The following PRKN variants were observed in gnomAD, a reference collection of about 807,000 sequenced individuals.
PRKN encodes the protein parkin RBR E3 ubiquitin protein ligase.
PRKN carries 56 observed loss-of-function variants against 59.5 expected under a neutral mutation model. That is an observed-to-expected ratio of 0.94 (90% confidence interval 0.76 to 1.18). PRKN has a LOEUF of 1.18. Among genes scored for constraint, PRKN ranks in the 50% most tolerant of loss-of-function variants. The probability of loss-of-function intolerance (pLI) is 0.00; values close to 1 mark genes in which losing one functional copy is unlikely to be tolerated. For synonymous variants in PRKN, 250 were observed against 222.1 expected, an observed-to-expected ratio of 1.13 and a Z score of -1.12; for missense variants, 657 against 596.4, an observed-to-expected ratio of 1.10 and a Z score of -1.06.
Position 161,496,399 on chromosome 6 carries a change from A to G in PRKN, c.1083+52455T>C, listed in dbSNP as rs375149219. ...GGTCTCATGCTGCTAATAAAGACATACTCGACACTGGGTAATTTATAAAGG... is the reference window on the plus strand; with the variant it reads ...GGTCTCATGCTGCTAATAAAGACATGCTCGACACTGGGTAATTTATAAAGG... On this transcript the variant is annotated intron_variant, in intron 9 of 11. Transcript: ENST00000366898. 2.4e-4 allele frequency among the ~76,000 whole-genome samples: 37 copies of G among 152,338 alleles called. No individual in the cohort carries two copies. In the East Asian group the frequency reaches 7.0e-3, roughly 29 times the overall value.
rs149065540 is a variant in PRKN, at chr6:162,723,257, C to T, written c.7+4405G>A. Among the ~76,000 whole-genome samples the T allele has an allele frequency of 5.9e-5, 9 of 152,290 alleles. 1 individual carries two copies. The highest frequency in any genetic ancestry group is 2.1e-4 in the South Asian group (1 of 4,830). Reference sequence around the variant, plus strand: ...ACTGGATCTGCTTTTGCAAAACTAACGCACTATAAGATGAGAATGAGAAGT... The same window carrying T: ...ACTGGATCTGCTTTTGCAAAACTAATGCACTATAAGATGAGAATGAGAAGT... On this transcript the variant is annotated intron_variant, in intron 1 of 11. Coordinates refer to ENST00000366898, the MANE Select transcript of PRKN (RefSeq NM_004562.3).
At chr6:162,149,435 G>A (rs1247892435) in intron 4 of PRKN, among the ~76,000 whole-genome samples, 1 of 152,054 alleles carries the variant, frequency 6.6e-6, no homozygotes, top group Non-Finnish European at 1.5e-5. Flanking sequence ...AGTAGAGACA[G>A]ATTGCACTGT....
At chr6:161,573,593 G>C (rs926695641) in intron 7 of PRKN, among the ~76,000 whole-genome samples, 10 of 148,612 alleles carry the variant, frequency 6.7e-5, no homozygotes, top group Admixed American at 2.7e-4. Flanking sequence ...GGTGGCGGGC[G>C]CCTGTAGTCC....
chr6:161,569,969 C>T (rs57919054), intron 7 of PRKN, among the ~76,000 whole-genome samples: 13 of 151,612 alleles, frequency 8.6e-5, no homozygotes, highest in African/African-American at 2.4e-4. Flanking sequence ...TTAGATCTTG[C>T]GTTTGAGTTT....
intron 7 of PRKN, among the ~76,000 whole-genome samples, chr6:161,706,981 C>A (rs1377776955): frequency 4.6e-5 from 7 of 152,150 alleles, no homozygotes; most frequent in Admixed American, 6.5e-5. Context: ...AAAGCGATAT[C>A]GAAAAACTTT....
chr6:162,463,773 C>T (rs536342279), intron 1 of PRKN, among the ~76,000 whole-genome samples: 1 of 152,250 alleles, frequency 6.6e-6, no homozygotes, highest in East Asian at 1.9e-4. Context: ...TATATGATTT[C>T]TCACAAAGGC....
intron 4 of PRKN, among the ~76,000 whole-genome samples, chr6:162,080,360 T>A (rs544854320): frequency 2.0e-5 from 3 of 152,192 alleles, no homozygotes; most frequent in Non-Finnish European, 4.4e-5. Context: ...ACAAAACACA[T>A]GAAAAGTTCT....
intron 6 of PRKN, among the ~76,000 whole-genome samples, chr6:161,966,267 A>AT (rs1780575673): frequency 1.3e-5 from 2 of 151,020 alleles, no homozygotes; most frequent in Admixed American, 6.6e-5. Context: ...TTTGGGTATG[A>AT]TAAAAAAAAT....
At chr6:161,780,770 T>C (rs1790170823) in intron 7 of PRKN, among the ~76,000 whole-genome samples, 1 of 152,212 alleles carries the variant, frequency 6.6e-6, no homozygotes, top group African/African-American at 2.4e-5. Context: ...GGAGCCATTA[T>C]ATTTAGCAAG....
intron 6 of PRKN, among the ~76,000 whole-genome samples, chr6:161,951,227 G>T (rs1779979193): frequency 1.3e-5 from 2 of 151,998 alleles, no homozygotes; most frequent in African/African-American, 2.4e-5. Context: ...AGACAGGCTG[G>T]GGAACTCCAA....
intron 4 of PRKN, among the ~76,000 whole-genome samples, chr6:162,149,012 A>C (rs2128313148): frequency 6.6e-6 from 1 of 152,268 alleles, no homozygotes; most frequent in South Asian, 2.1e-4. Flanking sequence ...TTCATACTTA[A>C]GATATGGATT....
At chr6:161,753,712 G>T (rs906534061) in intron 7 of PRKN, among the ~76,000 whole-genome samples, 1 of 152,154 alleles carries the variant, frequency 6.6e-6, no homozygotes, top group Non-Finnish European at 1.5e-5. Context: ...GGGGCGGGGG[G>T]GCTCGGCTTG....
At chr6:161,601,740 G>A (rs887737557) in intron 7 of PRKN, among the ~76,000 whole-genome samples, 18 of 151,784 alleles carry the variant, frequency 1.2e-4, no homozygotes, top group South Asian at 2.1e-4. Context: ...CCGCCACCAC[G>A]CCTGGCTAAT....
intron 7 of PRKN, among the ~76,000 whole-genome samples, chr6:161,767,493 G>C (rs1240265667): frequency 6.7e-6 from 1 of 148,860 alleles, no homozygotes; most frequent in Non-Finnish European, 1.5e-5. Flanking sequence ...CTCCCGCCTG[G>C]GCGACAGAGC....
chr6:162,465,014 A>G (rs1791351492), intron 1 of PRKN, among the ~76,000 whole-genome samples: 1 of 152,106 alleles, frequency 6.6e-6, no homozygotes, highest in Non-Finnish European at 1.5e-5. Flanking sequence ...GCATCTATGT[A>G]ACATATCCCT....
rs896267629 is a variant in PRKN at position 161,467,185 on chromosome 6, G to C, written c.1084-80308C>G. On this transcript the variant is annotated intron_variant, in intron 9 of 11. Coordinates refer to ENST00000366898, the MANE Select transcript of PRKN (RefSeq NM_004562.3). This position sits in a 1 kb window ranked among gnomAD's most constrained non-coding sequence, Gnocchi z 4.3. ...AATAGTTGTTTTTTTCAATGTACTG[G>C]GAAAGTGGCATTTTGAGAGAGACTT... Among the ~76,000 whole-genome samples, 2 of 151,968 alleles carry C rather than the reference G, an allele frequency of 1.3e-5. No homozygotes were observed. The highest frequency in any genetic ancestry group is 2.9e-5 in the Non-Finnish European group (2 of 67,994).
chr6:162,301,171 T>C (rs1420276827), intron 2 of PRKN, among the ~76,000 whole-genome samples: 2 of 152,158 alleles, frequency 1.3e-5, no homozygotes, highest in Admixed American at 6.5e-5. Context: ...CAGGAAGATA[T>C]GCACTATGAT....
At chr6:161,367,116 G>C (rs1022505568) in intron 10 of PRKN, among the ~76,000 whole-genome samples, 3 of 148,016 alleles carry the variant, frequency 2.0e-5, no homozygotes, top group Non-Finnish European at 4.5e-5. Context: ...TCAGCCTCCC[G>C]AGTAGCTGGG....
In PRKN at chr6:162,298,173, G is replaced by C. The variant is rs889430334; in HGVS notation, c.172-35408C>G. Among the ~76,000 whole-genome samples, 129 of 129,690 alleles carry C rather than the reference G, an allele frequency of 9.9e-4. 2 individuals carry two copies. The highest frequency in any genetic ancestry group is 1.5e-4 in the Admixed American group (2 of 13,608). 85.1% of individuals were successfully genotyped at this position (129,690 alleles called of 152,430 possible). On this transcript the variant is annotated intron_variant, in intron 2 of 11. Coordinates refer to ENST00000366898, the MANE Select transcript of PRKN (RefSeq NM_004562.3). ...GGTCAATGGGTACAGACGGAGGGGA[G>C]AGAGAGAGAGAGAGAGAGAGAAATT... is the stretch of plus-strand genomic sequence containing the variant.
Sources: gnomAD v4.1 joint callset for allele counts (sites outside exome capture counted in the v4.1 genomes callset) on GRCh38, gnomAD v4.1.1 for gene constraint, Gnocchi (gnomAD v3.1) non-coding constraint, MANE v1.5 for transcripts, NCBI Gene and HGNC (gene_info 2026-07-23, HGNC 2026-07-21) for gene names.